PRKN: variants seen among roughly 807,000 people sequenced by gnomAD.
The protein encoded by PRKN is E3 ubiquitin-protein ligase parkin.
A neutral mutation model predicts 59.5 loss-of-function variants in PRKN; 56 were observed. That is an observed-to-expected ratio of 0.94 (90% CI 0.76 to 1.18). The LOEUF (loss-of-function observed/expected upper bound fraction) is 1.18. PRKN is among the 50% of genes most tolerant of loss of function. The pLI is 0.00. For missense variants in PRKN, 657 were observed against 596.4 expected, an observed-to-expected ratio of 1.10 and a Z score of -1.06; for synonymous variants, 250 against 222.1, an observed-to-expected ratio of 1.13 and a Z score of -1.12.
At chr6:162,555,651 G>T (rs1457261979) in intron 1 of PRKN, among the ~76,000 whole-genome samples, 1 of 151,794 alleles carries the variant, frequency 6.6e-6, no homozygotes, top group Non-Finnish European at 1.5e-5. Context: ...AAAAATTTAA[G>T]TTTCATCTAT....
intron 2 of PRKN, among the ~76,000 whole-genome samples, chr6:162,305,617 T>C (rs1170211713): frequency 6.6e-6 from 1 of 152,156 alleles, no homozygotes; most frequent in Non-Finnish European, 1.5e-5. Flanking sequence ...TGCATGACAT[T>C]CTTATAAGAA....
At chr6:162,422,509 G>T (rs1292640717) in intron 2 of PRKN, among the ~76,000 whole-genome samples, 1 of 152,128 alleles carries the variant, frequency 6.6e-6, no homozygotes. Context: ...GAATACAGCA[G>T]GTTTGACTGC....
intron 1 of PRKN, among the ~76,000 whole-genome samples, chr6:162,557,362 A>C (rs1779650769): frequency 6.6e-6 from 1 of 152,174 alleles, no homozygotes; most frequent in Admixed American, 6.5e-5. Context: ...GCCTAGTCCC[A>C]ACACCATTCC....
Position 161,549,529 on chromosome 6 carries a change from A to C in PRKN, c.934-526T>G, listed in dbSNP as rs771792282. Reference sequence around the variant, plus strand: ...CACACAATATCAATGAGCTAGAAGAAGACTAATGTTAAACAATCACATTTT... The same window carrying C: ...CACACAATATCAATGAGCTAGAAGACGACTAATGTTAAACAATCACATTTT... On this transcript the variant is annotated intron_variant, in intron 8 of 11. Transcript: ENST00000366898. The surrounding 1 kb of genome is among the most constrained non-coding windows in gnomAD (Gnocchi z 6.0). 1.9e-4 allele frequency among the ~76,000 whole-genome samples: 29 copies of C among 152,218 alleles called. No individual in the cohort carries two copies. Among genetic ancestry groups the C allele is most frequent in the African/African-American group, 6.3e-4 (26 of 41,462 alleles).
intron 9 of PRKN, among the ~76,000 whole-genome samples, chr6:161,408,316 G>GT (rs1226843975): frequency 8.0e-5 from 8 of 100,402 alleles, no homozygotes; most frequent in African/African-American, 2.1e-4. Flanking sequence ...TGAAAAACTG[G>GT]TAAAAAAAAA....
intron 6 of PRKN, among the ~76,000 whole-genome samples, chr6:161,903,809 T>C (rs933508825): frequency 6.6e-6 from 1 of 152,030 alleles, no homozygotes; most frequent in African/African-American, 2.4e-5. Flanking sequence ...TTTCTTTTTT[T>C]TTTTTTAATG....
Position 161,680,043 on chromosome 6 carries a change from C to T in PRKN, c.871+105729G>A, listed in dbSNP as rs570646614. Among the ~76,000 whole-genome samples the T allele has an allele frequency of 1.6e-4, 25 of 152,162 alleles. 1 individual carries two copies. The South Asian group carries it at 4.2e-3, about 25-fold the overall frequency. On this transcript the variant is annotated intron_variant, in intron 7 of 11. Coordinates refer to ENST00000366898, the MANE Select transcript of PRKN (RefSeq NM_004562.3). ...TGCTGGGATTACAGGCATGAGCCAC[C>T]GTGCCCTGGCCAGAGCCAGCCATTT...
In PRKN at chr6:162,110,601, T is replaced by G. The variant is rs1379444995; in HGVS notation, c.535-56427A>C. Among the ~76,000 whole-genome samples the G allele has an allele frequency of 2.6e-5, 4 of 152,210 alleles. 1 individual carries two copies. Among genetic ancestry groups the G allele is most frequent in the Non-Finnish European group, 4.4e-5 (3 of 68,040 alleles). On this transcript the variant is annotated intron_variant, in intron 4 of 11. Coordinates refer to ENST00000366898, the MANE Select transcript of PRKN (RefSeq NM_004562.3). The stretch of plus-strand genomic sequence containing the variant: ...TTTGGGCAGAAATAGAAATGAATCC[T>G]TAAAAAGACCGTTGAAGAATAGCAT...
chr6:162,107,639 G>A (rs1425977224), intron 4 of PRKN, among the ~76,000 whole-genome samples: 1 of 152,118 alleles, frequency 6.6e-6, no homozygotes, highest in Admixed American at 6.5e-5. Flanking sequence ...GTTAACCCTG[G>A]CTGTTGTTAC....
At chr6:161,811,854 G>A (rs1485623775) in intron 6 of PRKN, among the ~76,000 whole-genome samples, 1 of 151,842 alleles carries the variant, frequency 6.6e-6, no homozygotes, top group Non-Finnish European at 1.5e-5. Context: ...CCTGGGAGGT[G>A]GAGGTTGCAG....
At chr6:161,695,809 A>G (rs979417862) in intron 7 of PRKN, among the ~76,000 whole-genome samples, 10 of 152,246 alleles carry the variant, frequency 6.6e-5, no homozygotes, top group African/African-American at 2.4e-4. Flanking sequence ...GGACATTTAC[A>G]GAGAAAAGAG....
At chr6:162,699,231 T>C (rs1432555386) in intron 1 of PRKN, among the ~76,000 whole-genome samples, 1 of 152,108 alleles carries the variant, frequency 6.6e-6, no homozygotes, top group Non-Finnish European at 1.5e-5. Context: ...TATTGAAGAA[T>C]ATGAAATCAC....
chr6:161,687,766 T>C (rs1785622400), intron 7 of PRKN, among the ~76,000 whole-genome samples: 1 of 152,116 alleles, frequency 6.6e-6, no homozygotes, highest in Non-Finnish European at 1.5e-5. Flanking sequence ...AAGATATATC[T>C]ATTAAAAATA....
At chr6:161,702,412 G>T (rs1786292089) in intron 7 of PRKN, among the ~76,000 whole-genome samples, 1 of 152,154 alleles carries the variant, frequency 6.6e-6, no homozygotes, top group African/African-American at 2.4e-5. Context: ...TAAAGACTAT[G>T]CTAAGTGAAA....
intron 6 of PRKN, among the ~76,000 whole-genome samples, chr6:161,846,931 G>A (rs1025740887): frequency 6.6e-6 from 1 of 152,178 alleles, no homozygotes; most frequent in Admixed American, 6.5e-5. Flanking sequence ...TGGATGCTGT[G>A]CCAGGGTCTG....
rs1279484543 is a variant in PRKN at position 161,498,446 on chromosome 6, T to C, written c.1083+50408A>G. On this transcript the variant is annotated intron_variant, in intron 9 of 11. Transcript: ENST00000366898. This position sits in a 1 kb window ranked among gnomAD's most constrained non-coding sequence, Gnocchi z 4.2. The stretch of plus-strand genomic sequence containing the variant: ...ACCCCGCCGTGCCAGCCATTCACAC[T>C]GCTCACAGGGTCTTCAGCTCCCTTC... Among the ~76,000 whole-genome samples, 2 of 152,212 alleles carry C rather than the reference T, an allele frequency of 1.3e-5. No homozygotes were observed. Among genetic ancestry groups the C allele is most frequent in the African/African-American group, 4.8e-5 (2 of 41,462 alleles).
At chr6:161,879,483 G>C (rs1794852662) in intron 6 of PRKN, among the ~76,000 whole-genome samples, 1 of 151,930 alleles carries the variant, frequency 6.6e-6, no homozygotes, top group African/African-American at 2.4e-5. Context: ...GAGTAGCTGG[G>C]ACTATAGGCG....
intron 7 of PRKN, among the ~76,000 whole-genome samples, chr6:161,661,359 C>T (rs1043087379): frequency 6.6e-6 from 1 of 152,168 alleles, no homozygotes; most frequent in Admixed American, 6.5e-5. Context: ...CACACAGGAG[C>T]CATCTCAGGG....
At chr6:162,653,544 A>G (rs969415489) in intron 1 of PRKN, among the ~76,000 whole-genome samples, 1 of 152,154 alleles carries the variant, frequency 6.6e-6, no homozygotes, top group Non-Finnish European at 1.5e-5. Flanking sequence ...ATTTTGGTAA[A>G]TTTTGTGTAT....
Sources: gnomAD v4.1 joint callset for allele counts (sites outside exome capture counted in the v4.1 genomes callset) on GRCh38, gnomAD v4.1.1 for gene constraint, Gnocchi (gnomAD v3.1) non-coding constraint, MANE v1.5 for transcripts, NCBI Gene and HGNC (gene_info 2026-07-23, HGNC 2026-07-21) for gene names.